The following DISP3 variants were observed in gnomAD, a reference collection of about 807,000 sequenced individuals.
DISP3 encodes the protein protein dispatched homolog 3.
Under a neutral mutation model 135.3 loss-of-function variants are expected in DISP3, and 101 were observed. The ratio of observed to expected loss-of-function variants is 0.75; its 90% CI spans 0.64 to 0.88. DISP3 has a LOEUF of 0.88. Ranked by LOEUF, DISP3 falls within the 40% of genes least tolerant of loss-of-function variation. DISP3 has a pLI of 0.00. For synonymous variants in DISP3, 856 were observed against 817.0 expected (o/e 1.05, Z -0.81); for missense variants, 1,713 against 1,878.6 (o/e 0.91, Z 1.63).
At chr1:11,480,812 A>T (rs1640882120) in intron 1 of DISP3, among the ~76,000 whole-genome samples, 1 of 151,264 alleles carries the variant, frequency 6.6e-6, no homozygotes. Context: ...GATCTTCTGG[A>T]GGGAGGGAGG....
At chr1:11,522,750 A>ACCCAGCCAGAG (rs1642263085) in intron 10 of DISP3, among the ~76,000 whole-genome samples, 1 of 25,248 alleles carries the variant, frequency 4.0e-5, no homozygotes, top group Non-Finnish European at 7.7e-5. Context: ...CCCAGCCAGG[A>ACCCAGCCAGAG]CCCAGCCAGG....
chr1:11,520,863 C>T lies in DISP3; in HGVS notation c.2362+15C>T. 6.3e-7 allele frequency: 1 copy of T among 1,582,170 alleles called. No homozygotes were observed. Among genetic ancestry groups the T allele is most frequent in the Non-Finnish European group, 8.6e-7 (1 of 1,163,428 alleles). ...CACCTGTTCAGGTGAGGCTTCTAGC[C>T]AGGCTGTCCCTGGCCCGCTCAGGTG... On this transcript the variant is annotated intron_variant, in intron 10 of 20. Transcript: ENST00000294484. This position sits in a 1 kb window ranked among gnomAD's most constrained non-coding sequence, Gnocchi z 4.8.
chr1:11,536,290 C>T lies in DISP3; in HGVS notation c.3817-34C>T, dbSNP rs1261759838. 1.3e-6 allele frequency: 2 copies of T among 1,576,448 alleles called. No individual in the cohort carries two copies. Among genetic ancestry groups the T allele is most frequent in the South Asian group, 2.3e-5 (2 of 87,264 alleles). On this transcript the variant is annotated intron_variant, in intron 20 of 20. Transcript: ENST00000294484. The surrounding 1 kb of genome is among the most constrained non-coding windows in gnomAD (Gnocchi z 4.3). ...GTGCTGGCCAGAGGGGTCCCGCAGGCAGGCTGGGCTCCCAGCTCTCCTCTT... is the reference window on the plus strand; with the variant it reads ...GTGCTGGCCAGAGGGGTCCCGCAGGTAGGCTGGGCTCCCAGCTCTCCTCTT...
chr1:11,492,121 CA>C (rs59755389), intron 1 of DISP3, among the ~76,000 whole-genome samples: 10,542 of 61,832 alleles, frequency 0.17, 222 homozygotes, highest in East Asian at 0.23. Flanking sequence ...GACTCCGTCT[CA>C]AAAAAAAAAA....
In DISP3 at chr1:11,502,037, G is replaced by T. The variant is rs751737996; in HGVS notation, c.1045G>T (p.Gly349Cys). The T allele has an allele frequency of 1.5e-5, 24 of 1,603,108 alleles. No homozygotes were observed. In the Admixed American group the frequency reaches 3.8e-4, roughly 25 times the overall value. The change falls in exon 2 of 21, where the codon GGC becomes TGC. Residue 349 changes from glycine (G) to cysteine (C), a missense_variant. By Grantham distance (159) the Gly-to-Cys change is radical. Transcript: ENST00000294484. Reference sequence around the variant, plus strand: ...GACCTACTTTTTTCCCACCGAGAGGGGCGGCAAGATCTACTATGACGGCAT... The same window carrying T: ...GACCTACTTTTTTCCCACCGAGAGGTGCGGCAAGATCTACTATGACGGCAT... Reference protein sequence around the residue: ...LMTYFFPTERGGKIYYDGMGQ... With the variant: ...LMTYFFPTERCGKIYYDGMGQ...
chr1:11,529,722 C>G lies in DISP3; in HGVS notation c.2929+36C>G, dbSNP rs775582791. The stretch of plus-strand genomic sequence containing the variant: ...GGCACACAGGTGGGGACCTCAAGAG[C>G]TGAGACCTCGGGGCTCAGGAGCTGG... On this transcript the variant is annotated intron_variant, in intron 14 of 20. Transcript: ENST00000294484. The surrounding 1 kb of genome is among the most constrained non-coding windows in gnomAD (Gnocchi z 4.7). 2.5e-6 allele frequency: 4 copies of G among 1,600,098 alleles called. No individual in the cohort carries two copies. In the South Asian group the frequency reaches 4.4e-5, roughly 18 times the overall value.
At position 11,536,608 on chromosome 1, in the gene DISP3, G is replaced by T; in HGVS notation, c.4101G>T (p.Gly1367=). The stretch of plus-strand genomic sequence containing the variant: ...CCCTGGGTGCCGTGCTGCTGGCAGG[G>T]GCCCTGGGGCTGGGTGCCTGCCTCG... ...LKALGAVLLA[G]ALGLGACLVL... is the part of the protein sequence containing the mutation. The change falls in exon 21 of 21, where the codon GGG becomes GGT. Residue 1367 remains glycine, a synonymous_variant. Coordinates refer to ENST00000294484, the MANE Select transcript of DISP3 (RefSeq NM_020780.2). The surrounding 1 kb of genome is among the most constrained non-coding windows in gnomAD (Gnocchi z 4.3). The T allele has an allele frequency of 6.2e-7, 1 of 1,610,370 alleles. No homozygotes were observed.
rs189898437 is a variant in DISP3 at position 11,499,228 on chromosome 1, A to T, written c.-3-1762A>T. Reference sequence around the variant, plus strand: ...CTTTGACCCCCTGCAACACCAACACACTGTAAACTGTACTCCCCACAAGGC... The same window carrying T: ...CTTTGACCCCCTGCAACACCAACACTCTGTAAACTGTACTCCCCACAAGGC... On this transcript the variant is annotated intron_variant, in intron 1 of 20. Transcript: ENST00000294484. This position sits in a 1 kb window ranked among gnomAD's most constrained non-coding sequence, Gnocchi z 5.2. Among the ~76,000 whole-genome samples the T allele has an allele frequency of 1.2e-3, 180 of 152,184 alleles. No individual in the cohort carries two copies. The highest frequency in any genetic ancestry group is 4.2e-3 in the African/African-American group (173 of 41,510).
intron 13 of DISP3, among the ~76,000 whole-genome samples, chr1:11,528,554 A>C (rs1642490709): frequency 6.6e-6 from 1 of 152,212 alleles, no homozygotes; most frequent in Non-Finnish European, 1.5e-5. Context: ...ACTAACAAGT[A>C]AACAGCGATA....
chr1:11,528,914 A>G (rs921106703), intron 13 of DISP3, among the ~76,000 whole-genome samples: 1 of 152,210 alleles, frequency 6.6e-6, no homozygotes, highest in Non-Finnish European at 1.5e-5. Flanking sequence ...ACAGCCACCC[A>G]CTGGGTCCCT....
At chr1:11,497,021 C>T (rs1241071308) in intron 1 of DISP3, among the ~76,000 whole-genome samples, 1 of 152,094 alleles carries the variant, frequency 6.6e-6, no homozygotes, top group Non-Finnish European at 1.5e-5. Flanking sequence ...AGAAGGCAGG[C>T]ACGGGGTGGG....
intron 13 of DISP3, among the ~76,000 whole-genome samples, chr1:11,527,323 G>A (rs1472024994): frequency 6.6e-6 from 1 of 152,100 alleles, no homozygotes; most frequent in Non-Finnish European, 1.5e-5. Context: ...GCCGAGGTGG[G>A]CGGATCACGA....
At chr1:11,524,118 G>A (rs1642338346) in intron 11 of DISP3, 63 bp downstream of exon 11, 2 of 1,250,676 alleles carry the variant, frequency 1.6e-6, no homozygotes, top group Admixed American at 1.8e-5. Flanking sequence ...GGCCCTGTAA[G>A]GAGAGCAGAT....
At chr1:11,514,245 GC>G in intron 3 of DISP3, 144 bp from the exon 4 acceptor site, 1 of 946,798 alleles carries the variant, frequency 1.1e-6, no homozygotes, top group Non-Finnish European at 1.6e-6. Flanking sequence ...ATTATTGGAA[GC>G]CCCCAGGTGA....
At chr1:11,522,871 G>GCCCAGCCAGGA (rs1642276562) in intron 10 of DISP3, among the ~76,000 whole-genome samples, 81 of 28,910 alleles carry the variant, frequency 2.8e-3, no homozygotes, top group African/African-American at 9.7e-3. Context: ...CCCAGCCAGA[G>GCCCAGCCAGGA]CCCAGCCAGA....
intron 17 of DISP3, among the ~76,000 whole-genome samples, chr1:11,532,410 A>C (rs1016617053): frequency 6.6e-6 from 1 of 152,186 alleles, no homozygotes; most frequent in East Asian, 1.9e-4. Flanking sequence ...GCAGGTGTGG[A>C]GATAAGAACA....
Position 11,536,633 on chromosome 1 carries a change from G to A in DISP3, c.4126G>A (p.Val1376Met), listed in dbSNP as rs371721613. ...GGCCCTGGGGCTGGGTGCCTGCCTC[G>A]TGCTCCTGCAGAGCGGCTATAAGAT... ...AGALGLGACL[V>M]LLQSGYKIPL... The change falls in exon 21 of 21, where the codon GTG (valine) becomes ATG (methionine). Residue 1376 changes from valine to methionine, a missense_variant. By Grantham distance (21) the Val-to-Met change is conservative (BLOSUM62 1). Coordinates refer to ENST00000294484, the MANE Select transcript of DISP3 (RefSeq NM_020780.2). This position sits in a 1 kb window ranked among gnomAD's most constrained non-coding sequence, Gnocchi z 4.3. 52 of 1,604,196 alleles carry A rather than the reference G, an allele frequency of 3.2e-5. No individual in the cohort carries two copies. The highest frequency in any genetic ancestry group is 3.2e-4 in the South Asian group (29 of 90,000).
In DISP3 at chr1:11,501,520, C is replaced by T. The variant is rs181120200; in HGVS notation, c.528C>T (p.Pro176=). Reference sequence around the variant, plus strand: ...CCTCCCGAGCCCCCCGCGTCATCCCCGCGGCCTCACTCGGTGGCCCAGGCC... The same window carrying T: ...CCTCCCGAGCCCCCCGCGTCATCCCTGCGGCCTCACTCGGTGGCCCAGGCC... ...RQASRAPRVI[P]AASLGGPGPY... The change falls in exon 2 of 21, where the codon CCC becomes CCT. Residue 176 remains proline (P), a synonymous_variant. Transcript: ENST00000294484. This position sits in a 1 kb window ranked among gnomAD's most constrained non-coding sequence, Gnocchi z 4.9. 9,542 of 1,603,382 alleles carry T rather than the reference C, an allele frequency of 6.0e-3. 30 individuals are homozygous for T. Among genetic ancestry groups the T allele is most frequent in the Non-Finnish European group, 7.2e-3 (8,411 of 1,174,856 alleles).
chr1:11,519,616 C>T lies in DISP3; in HGVS notation c.2039-103C>T. 1 of 1,569,842 alleles carries T rather than the reference C, an allele frequency of 6.4e-7. No individual in the cohort carries two copies. ...TGAGGCTGGGGGCCGGACAAGATGGCCTGTGGGCTTCCTCACCAGGCATCT... is the reference window on the plus strand; with the variant it reads ...TGAGGCTGGGGGCCGGACAAGATGGTCTGTGGGCTTCCTCACCAGGCATCT... On this transcript the variant is annotated intron_variant, in intron 8 of 20. Transcript: ENST00000294484. This position sits in a 1 kb window ranked among gnomAD's most constrained non-coding sequence, Gnocchi z 4.3.
Sources: allele counts gnomAD v4.1 joint callset (sites outside exome capture counted in the v4.1 genomes callset), GRCh38; gene constraint gnomAD v4.1.1; non-coding constraint Gnocchi (gnomAD v3.1); transcripts MANE v1.5; gene names NCBI Gene and HGNC (gene_info 2026-07-23, HGNC 2026-07-21).